The following HYAL4 variants were observed in gnomAD, a reference collection of about 807,000 sequenced individuals.
HYAL4 encodes hyaluronidase 4, also known as hyaluronidase-4.
HYAL4 carries 37 observed loss-of-function variants against 35.2 expected under a neutral mutation model. The observed-to-expected ratio is 1.05, with a 90% CI of 0.81 to 1.38. The LOEUF is 1.38. HYAL4 is among the 40% of genes most tolerant of loss of function. The probability of loss-of-function intolerance (pLI) is 0.00; values close to 1 mark genes in which losing one functional copy is unlikely to be tolerated. For synonymous variants in HYAL4, 198 were observed against 203.2 expected, an observed-to-expected ratio of 0.97 and a Z score of 0.22; for missense variants, 572 against 572.4, an observed-to-expected ratio of 1.00 and a Z score of 0.01.
chr7:123,793,742 T>C, the HYAL4 span, among the ~76,000 whole-genome samples: 1 of 152,192 alleles, frequency 6.6e-6, no homozygotes, highest in Non-Finnish European at 1.5e-5. Flanking sequence ...CTCTTTTCTT[T>C]ATAAATTATC....
the HYAL4 span, among the ~76,000 whole-genome samples, chr7:123,822,004 A>T: frequency 6.6e-6 from 1 of 152,144 alleles, no homozygotes; most frequent in South Asian, 2.1e-4. Flanking sequence ...TGTGACTTGT[A>T]TATCTTCCTT....
the HYAL4 span, among the ~76,000 whole-genome samples, chr7:123,780,814 TA>T: frequency 6.8e-6 from 1 of 146,266 alleles, no homozygotes; most frequent in Non-Finnish European, 1.5e-5. Context: ...AACTCAGAGT[TA>T]AATGGATTAA....
the HYAL4 span, chr7:123,814,396 C>A: frequency 6.6e-6 from 1 of 152,574 alleles, no homozygotes; most frequent in Non-Finnish European, 1.5e-5. Flanking sequence ...TAGGGTATTA[C>A]CCTTACTTAT....
the HYAL4 span, among the ~76,000 whole-genome samples, chr7:123,786,755 TTTC>T: frequency 6.6e-6 from 1 of 151,114 alleles, no homozygotes; most frequent in Non-Finnish European, 1.5e-5. Context: ...TCTATCTATC[TTTC>T]ATCTATCTAA....
chr7:123,774,766 C>G, the HYAL4 span, among the ~76,000 whole-genome samples: 2 of 152,214 alleles, frequency 1.3e-5, no homozygotes, highest in African/African-American at 4.8e-5. Context: ...TCTCTCACCT[C>G]TGGGTCTTTG....
chr7:123,799,169 G>A, the HYAL4 span, among the ~76,000 whole-genome samples: 2 of 152,074 alleles, frequency 1.3e-5, no homozygotes, highest in Non-Finnish European at 2.9e-5. Context: ...TATTGATAAA[G>A]TAATGTCATT....
At chr7:123,786,500 A>G in the HYAL4 span, among the ~76,000 whole-genome samples, 1 of 151,894 alleles carries the variant, frequency 6.6e-6, no homozygotes, top group Non-Finnish European at 1.5e-5. Context: ...CCTTGATTCT[A>G]GAACATCAGC....
the HYAL4 span, among the ~76,000 whole-genome samples, chr7:123,774,585 C>G: frequency 2.6e-5 from 4 of 152,170 alleles, no homozygotes; most frequent in African/African-American, 9.7e-5. Context: ...GTGCTGCAGT[C>G]ATAGGATCTC....
the HYAL4 span, among the ~76,000 whole-genome samples, chr7:123,807,462 T>C: frequency 1.5e-5 from 2 of 135,612 alleles, no homozygotes; most frequent in Admixed American, 1.5e-4. Context: ...TGAGACAGAG[T>C]CTCGCTCTGT....
At chr7:123,842,179 A>T (rs907696253), upstream of HYAL4, among the ~76,000 whole-genome samples, 17 of 152,164 alleles carry the variant, frequency 1.1e-4, no homozygotes, top group South Asian at 1.2e-3. Context: ...TGTGTCCCAG[A>T]GATTCTGATA....
chr7:123,827,785 C>T (rs1016489466), upstream of HYAL4, among the ~76,000 whole-genome samples: 3 of 152,072 alleles, frequency 2.0e-5, no homozygotes, highest in Non-Finnish European at 2.9e-5. Flanking sequence ...GTTCTGGGGC[C>T]TCCTCTTACT....
the HYAL4 span, among the ~76,000 whole-genome samples, chr7:123,796,333 G>A: frequency 6.6e-6 from 1 of 152,088 alleles, no homozygotes; most frequent in Admixed American, 6.5e-5. Context: ...CTTTAAAGAA[G>A]AGAATCTGGA....
chr7:123,867,544 A>G (rs968190741), intron 2 of HYAL4, among the ~76,000 whole-genome samples: 3 of 151,938 alleles, frequency 2.0e-5, no homozygotes, highest in African/African-American at 7.3e-5. Context: ...TTACCCTGGG[A>G]GGGTCAATTT....
chr7:123,802,617 C>T, the HYAL4 span, among the ~76,000 whole-genome samples: 5 of 151,334 alleles, frequency 3.3e-5, no homozygotes, highest in Non-Finnish European at 5.9e-5. Flanking sequence ...CTTTTGAAGA[C>T]GTCCCTACAA....
chr7:123,827,827 G>A (rs1477973697), upstream of HYAL4, among the ~76,000 whole-genome samples: 1 of 151,714 alleles, frequency 6.6e-6, no homozygotes, highest in African/African-American at 2.4e-5. Flanking sequence ...AAGCTTAATT[G>A]GTTTTTAATT....
chr7:123,835,231 T>C (rs1805946550), intron 1 of HYAL4, among the ~76,000 whole-genome samples: 1 of 152,098 alleles, frequency 6.6e-6, no homozygotes, highest in Non-Finnish European at 1.5e-5. Flanking sequence ...TTGGTAATTT[T>C]TTTTTGTTAC....
the HYAL4 span, among the ~76,000 whole-genome samples, chr7:123,776,887 G>A: frequency 2.6e-5 from 4 of 152,192 alleles, no homozygotes; most frequent in Admixed American, 6.5e-5. Flanking sequence ...CAGTGATGAT[G>A]CTTCCCTTCA....
At chr7:123,797,233 A>G in the HYAL4 span, among the ~76,000 whole-genome samples, 29 of 152,330 alleles carry the variant, frequency 1.9e-4, no homozygotes, top group African/African-American at 5.5e-4. Context: ...TTTAGCATCT[A>G]TTTGCTATGA....
chr7:123,861,464 G>A (rs1806574369), intron 2 of HYAL4, among the ~76,000 whole-genome samples: 1 of 152,154 alleles, frequency 6.6e-6, no homozygotes, highest in Non-Finnish European at 1.5e-5. Flanking sequence ...AAGACTTAGT[G>A]TGCTTTTCCA....
Sources: allele counts gnomAD v4.1 joint callset (sites outside exome capture counted in the v4.1 genomes callset), GRCh38; gene constraint gnomAD v4.1.1; transcripts MANE v1.5; gene names NCBI Gene and HGNC (gene_info 2026-07-23, HGNC 2026-07-21).